CAMKMT: variants seen among roughly 807,000 people sequenced by gnomAD.
The protein encoded by CAMKMT is calmodulin-lysine N-methyltransferase.
Under a neutral mutation model 48.0 loss-of-function variants are expected in CAMKMT, and 53 were observed. The observed-to-expected ratio is 1.10, with a 90% CI of 0.89 to 1.39. The LOEUF is 1.39. Among genes scored for constraint, CAMKMT ranks in the 40% most tolerant of loss-of-function variants. CAMKMT has a pLI of 0.00. For missense variants in CAMKMT, 428 were observed against 402.7 expected, an observed-to-expected ratio of 1.06 and a Z score of -0.54; for synonymous variants, 165 against 152.3, an observed-to-expected ratio of 1.08 and a Z score of -0.61.
At chr2:44,513,915 A>G (rs1370548665) in intron 3 of CAMKMT, among the ~76,000 whole-genome samples, 2 of 152,110 alleles carry the variant, frequency 1.3e-5, no homozygotes, top group African/African-American at 4.8e-5. Context: ...AGCCTGGGCA[A>G]CATGATGAAA....
At chr2:44,561,915 A>G (rs562217987) in intron 3 of CAMKMT, among the ~76,000 whole-genome samples, 1 of 152,208 alleles carries the variant, frequency 6.6e-6, no homozygotes, top group Non-Finnish European at 1.5e-5. Flanking sequence ...ATGGCCAGGT[A>G]GGGAAGTGAG....
chr2:44,455,194 CTG>C (rs1667495272), intron 3 of CAMKMT, among the ~76,000 whole-genome samples: 1 of 151,704 alleles, frequency 6.6e-6, no homozygotes, highest in South Asian at 2.1e-4. Context: ...GAGGAGGAAA[CTG>C]TGAAACGTGA....
intron 6 of CAMKMT, among the ~76,000 whole-genome samples, chr2:44,711,467 T>G (rs1677874857): frequency 6.6e-6 from 1 of 152,152 alleles, no homozygotes; most frequent in Admixed American, 6.5e-5. Flanking sequence ...GTTCACATAA[T>G]TAATTCTAAC....
At chr2:44,675,896 G>A (rs1410355791) in intron 3 of CAMKMT, among the ~76,000 whole-genome samples, 2 of 152,098 alleles carry the variant, frequency 1.3e-5, no homozygotes, top group Admixed American at 6.5e-5. Flanking sequence ...ACCACTCTGG[G>A]TACCGCAAAT....
intron 3 of CAMKMT, chr2:44,550,599 A>G (rs1250951105): frequency 6.6e-6 from 1 of 152,204 alleles, no homozygotes; most frequent in Non-Finnish European, 1.5e-5. Context: ...CAAGGAATTT[A>G]TAGGCTCCGT....
intron 3 of CAMKMT, among the ~76,000 whole-genome samples, chr2:44,553,208 G>T (rs1377563296): frequency 6.6e-6 from 1 of 152,158 alleles, no homozygotes; most frequent in Non-Finnish European, 1.5e-5. Context: ...TCTGTTCACT[G>T]TTGACCCAGA....
intron 3 of CAMKMT, among the ~76,000 whole-genome samples, chr2:44,514,555 C>T (rs111917766): frequency 1.3e-5 from 2 of 152,056 alleles, no homozygotes; most frequent in Admixed American, 1.3e-4. Flanking sequence ...ATGGATTAAT[C>T]AAGGATGTCC....
chr2:44,753,141 A>G (rs1443973564), intron 8 of CAMKMT, among the ~76,000 whole-genome samples: 1 of 151,012 alleles, frequency 6.6e-6, no homozygotes, highest in Non-Finnish European at 1.5e-5. Context: ...GGTTGGGTAC[A>G]GTGGCATGTG....
intron 3 of CAMKMT, among the ~76,000 whole-genome samples, chr2:44,644,286 C>T (rs996512782): frequency 6.6e-6 from 1 of 152,188 alleles, no homozygotes; most frequent in Non-Finnish European, 1.5e-5. Context: ...ACCAAAAGAA[C>T]TGTCCCATTT....
chr2:44,740,641 A>C (rs1340907494), intron 7 of CAMKMT, among the ~76,000 whole-genome samples: 1 of 152,206 alleles, frequency 6.6e-6, no homozygotes, highest in Non-Finnish European at 1.5e-5. Context: ...AATTTAAAGC[A>C]AAGCCAGTGA....
chr2:44,578,234 A>C (rs1487172635), intron 3 of CAMKMT, among the ~76,000 whole-genome samples: 1 of 152,226 alleles, frequency 6.6e-6, no homozygotes, highest in Non-Finnish European at 1.5e-5. Flanking sequence ...ACACCGTAAC[A>C]TAAAGTACTT....
chr2:44,464,101 A>C (rs1667987879), intron 3 of CAMKMT, among the ~76,000 whole-genome samples: 1 of 152,208 alleles, frequency 6.6e-6, no homozygotes, highest in Non-Finnish European at 1.5e-5. Flanking sequence ...AATCAGGCAA[A>C]CAAAGCATGA....
intron 3 of CAMKMT, among the ~76,000 whole-genome samples, chr2:44,658,733 A>T (rs894162127): frequency 2.6e-5 from 4 of 152,156 alleles, no homozygotes; most frequent in African/African-American, 9.7e-5. Flanking sequence ...ACTCTTAATG[A>T]AGAGAGTCTT....
At chr2:44,598,929 C>T (rs13389981) in intron 3 of CAMKMT, among the ~76,000 whole-genome samples, 96,907 of 151,078 alleles carry the variant, frequency 0.64, 31,690 homozygotes, top group Admixed American at 0.71. Context: ...AGTAATCACA[C>T]GTGTCGGTAA....
intron 3 of CAMKMT, among the ~76,000 whole-genome samples, chr2:44,394,217 A>C (rs1161219999): frequency 6.6e-6 from 1 of 152,010 alleles, no homozygotes; most frequent in Non-Finnish European, 1.5e-5. Flanking sequence ...ATTCCTGGCA[A>C]ATGTTGCAGC....
At chr2:44,390,453 G>A in intron 3 of CAMKMT, 148 bp downstream of exon 3, 1 of 467,710 alleles carries the variant, frequency 2.1e-6, no homozygotes, top group East Asian at 4.6e-5. Flanking sequence ...GTCTTTAGCT[G>A]CAAAATAAGC....
In CAMKMT at chr2:44,768,342, G is replaced by GATATATATAT. The variant is rs35422115; in HGVS notation, c.894+1792_894+1801dup. Among the ~76,000 whole-genome samples the GATATATATAT allele has an allele frequency of 8.1e-3, 899 of 111,300 alleles. 12 individuals are homozygous for GATATATATAT. Among genetic ancestry groups the GATATATATAT allele is most frequent in the Non-Finnish European group, 0.011 (603 of 55,398 alleles). 73.0% of individuals were successfully genotyped at this position (111,300 alleles called of 152,430 possible). A position where few individuals can be genotyped will look rare whatever the true frequency, so the allele number is the denominator to read the frequency against. Reference sequence around the variant, plus strand: ...ATAAAAGGTATAAACGGGCGCCCATGATATATATATATATATATATTTTTT... The same window carrying GATATATATAT: ...ATAAAAGGTATAAACGGGCGCCCATGATATATATATATATATATATATATATATATTTTTT... On this transcript the variant is annotated intron_variant, in intron 10 of 10. Coordinates refer to ENST00000378494, the MANE Select transcript of CAMKMT (RefSeq NM_024766.5).
At chr2:44,605,589 C>A (rs538075289) in intron 3 of CAMKMT, among the ~76,000 whole-genome samples, 1 of 152,070 alleles carries the variant, frequency 6.6e-6, no homozygotes, top group African/African-American at 2.4e-5. Flanking sequence ...TGTTTGGGGA[C>A]AACATTTTTT....
intron 9 of CAMKMT, among the ~76,000 whole-genome samples, chr2:44,757,949 T>C (rs2104394665): frequency 6.6e-6 from 1 of 152,288 alleles, no homozygotes. Context: ...TGACCTGGAC[T>C]TTGAGAATTT....
Sources: gnomAD v4.1 joint callset for allele counts (sites outside exome capture counted in the v4.1 genomes callset) on GRCh38, gnomAD v4.1.1 for gene constraint, MANE v1.5 for transcripts, NCBI Gene and HGNC (gene_info 2026-07-23, HGNC 2026-07-21) for gene names.